Variants in KCNQ5 observed in about 807,000 individuals in gnomAD.
The protein encoded by KCNQ5 is potassium voltage-gated channel subfamily KQT member 5.
KCNQ5 carries 30 observed loss-of-function variants against 98.2 expected under a neutral mutation model. The observed-to-expected ratio is 0.31, with a 90% CI of 0.23 to 0.41. The LOEUF (loss-of-function observed/expected upper bound fraction) is 0.41. KCNQ5 is among the 10% of genes least tolerant of loss of function. The pLI is 1.00. For synonymous variants in KCNQ5, 458 were observed against 449.4 expected (o/e 1.02, Z -0.24); for missense variants, 835 against 1,182.5 (o/e 0.71, Z 4.31).
At chr6:73,085,513 G>A (rs1490864564) in intron 5 of KCNQ5, among the ~76,000 whole-genome samples, 2 of 152,132 alleles carry the variant, frequency 1.3e-5, no homozygotes, top group Non-Finnish European at 2.9e-5. Flanking sequence ...TTGAGGCTGG[G>A]GGTTCAGTTG....
At chr6:72,660,712 T>C (rs1766474678) in intron 1 of KCNQ5, among the ~76,000 whole-genome samples, 1 of 152,198 alleles carries the variant, frequency 6.6e-6, no homozygotes, top group African/African-American at 2.4e-5. Context: ...TAATTTGTCC[T>C]TTTAAAATCG....
intron 1 of KCNQ5, among the ~76,000 whole-genome samples, chr6:72,770,958 T>C (rs1405157057): frequency 6.6e-6 from 1 of 152,102 alleles, no homozygotes; most frequent in Non-Finnish European, 1.5e-5. Flanking sequence ...TAGAGAGAAA[T>C]ATGAAATTCT....
At chr6:72,795,487 G>A (rs1041016798) in intron 1 of KCNQ5, among the ~76,000 whole-genome samples, 4 of 152,164 alleles carry the variant, frequency 2.6e-5, no homozygotes, top group Non-Finnish European at 5.9e-5. Context: ...CATAGTTAGA[G>A]AATAACTGAA....
At chr6:73,153,934 C>T (rs1777253362) in intron 10 of KCNQ5, among the ~76,000 whole-genome samples, 2 of 149,860 alleles carry the variant, frequency 1.3e-5, no homozygotes, top group African/African-American at 4.9e-5. Context: ...CTCCAAATTG[C>T]ATCTACTTTG....
chr6:72,913,566 C>A (rs1441029858), intron 1 of KCNQ5, among the ~76,000 whole-genome samples: 1 of 152,174 alleles, frequency 6.6e-6, no homozygotes, highest in African/African-American at 2.4e-5. Context: ...TAGAAAAATA[C>A]AAATTCATTC....
In KCNQ5 at chr6:73,188,070, T is replaced by C. The variant is rs190515461; in HGVS notation, c.1578-2503T>C. 3.3e-5 allele frequency among the ~76,000 whole-genome samples: 5 copies of C among 152,336 alleles called. No homozygotes were observed. The East Asian group carries it at 9.6e-4, about 29-fold the overall frequency. On this transcript the variant is annotated intron_variant, in intron 11 of 13. Coordinates refer to ENST00000370398, the MANE Select transcript of KCNQ5 (RefSeq NM_019842.4). ...AGAACACACTGACGTATGCTGTAGC[T>C]TGCGCCTCTTCTACCACCATAGGAA...
At chr6:73,069,339 G>A (rs1773206142) in intron 3 of KCNQ5, among the ~76,000 whole-genome samples, 1 of 151,848 alleles carries the variant, frequency 6.6e-6, no homozygotes. Flanking sequence ...GTGTGTTCGT[G>A]CCTTCACTTC....
chr6:72,785,615 A>G (rs7744865), intron 1 of KCNQ5, among the ~76,000 whole-genome samples: 83,090 of 150,548 alleles, frequency 0.55, 23,122 homozygotes, highest in Middle Eastern at 0.62. Flanking sequence ...GCACCATTGC[A>G]CTCCAGCCTG....
chr6:72,716,330 G>C (rs1036913597), intron 1 of KCNQ5, among the ~76,000 whole-genome samples: 6 of 152,190 alleles, frequency 3.9e-5, no homozygotes, highest in Non-Finnish European at 8.8e-5. Flanking sequence ...GATGTGTAAG[G>C]CATGGTATGT....
At chr6:72,987,692 C>A (rs1158531333) in intron 1 of KCNQ5, 2 of 584,850 alleles carry the variant, frequency 3.4e-6, no homozygotes, top group African/African-American at 1.9e-5. Flanking sequence ...TCCACCGCCC[C>A]CAACAAGATC....
At chr6:72,723,753 C>T (rs1770105463) in intron 1 of KCNQ5, among the ~76,000 whole-genome samples, 1 of 151,388 alleles carries the variant, frequency 6.6e-6, no homozygotes, top group Non-Finnish European at 1.5e-5. Flanking sequence ...CAAAATTTTT[C>T]AAATTTTTCA....
At chr6:73,027,215 G>A (rs1241727485) in intron 2 of KCNQ5, among the ~76,000 whole-genome samples, 1 of 152,156 alleles carries the variant, frequency 6.6e-6, no homozygotes, top group Admixed American at 6.5e-5. Flanking sequence ...ACAGATCAAG[G>A]AACTAGTGAA....
chr6:72,913,805 C>T (rs1780033220), intron 1 of KCNQ5, among the ~76,000 whole-genome samples: 1 of 152,142 alleles, frequency 6.6e-6, no homozygotes, highest in Admixed American at 6.5e-5. Flanking sequence ...GACATGAGAG[C>T]CTTCATAAAG....
At chr6:72,760,921 T>G (rs1042316805) in intron 1 of KCNQ5, among the ~76,000 whole-genome samples, 2 of 152,196 alleles carry the variant, frequency 1.3e-5, no homozygotes, top group Non-Finnish European at 2.9e-5. Context: ...TGTAGCTAGT[T>G]TTTAAATTCC....
chr6:72,703,547 A>G (rs749902529), intron 1 of KCNQ5, among the ~76,000 whole-genome samples: 14 of 152,208 alleles, frequency 9.2e-5, no homozygotes, highest in Non-Finnish European at 1.9e-4. Flanking sequence ...TAGTTAAACC[A>G]TTTCTTAAAA....
chr6:73,007,647 C>A (rs1464201118), intron 2 of KCNQ5, among the ~76,000 whole-genome samples: 2 of 152,188 alleles, frequency 1.3e-5, no homozygotes, highest in East Asian at 3.9e-4. Context: ...AGGCCCATTG[C>A]AGGCAGCTGT....
At chr6:72,696,496 A>G (rs1768510254) in intron 1 of KCNQ5, among the ~76,000 whole-genome samples, 1 of 152,218 alleles carries the variant, frequency 6.6e-6, no homozygotes, top group African/African-American at 2.4e-5. Context: ...CAGAAGAATA[A>G]TAAGACATTT....
intron 1 of KCNQ5, among the ~76,000 whole-genome samples, chr6:72,959,698 G>A (rs773409762): frequency 6.6e-6 from 1 of 152,200 alleles, no homozygotes; most frequent in Non-Finnish European, 1.5e-5. Flanking sequence ...TCATTTTAGA[G>A]TTTACAGTAT....
At chr6:72,880,720 T>G (rs1778605224) in intron 1 of KCNQ5, among the ~76,000 whole-genome samples, 1 of 152,212 alleles carries the variant, frequency 6.6e-6, no homozygotes, top group African/African-American at 2.4e-5. Context: ...GTAACACTAC[T>G]GATTTTTATG....
Sources: gnomAD v4.1 joint callset for allele counts (sites outside exome capture counted in the v4.1 genomes callset) on GRCh38, gnomAD v4.1.1 for gene constraint, MANE v1.5 for transcripts, NCBI Gene and HGNC (gene_info 2026-07-23, HGNC 2026-07-21) for gene names.